CDH13: variants seen among roughly 807,000 people sequenced by gnomAD.
CDH13 encodes cadherin 13, also known as cadherin-13.
A neutral mutation model predicts 63.8 loss-of-function variants in CDH13; 24 were observed. The observed-to-expected ratio is 0.38, with a 90% CI of 0.27 to 0.53. The LOEUF is 0.53. Ranked by LOEUF, CDH13 falls within the 20% of genes least tolerant of loss-of-function variation. The probability of loss-of-function intolerance (pLI) is 0.85; values close to 1 mark genes in which losing one functional copy is unlikely to be tolerated. For missense variants in CDH13, 1,049 were observed against 903.1 expected (o/e 1.16, Z -2.07); for synonymous variants, 503 against 355.3 (o/e 1.42, Z -4.67).
chr16:83,415,449 C>G (rs901645836), intron 6 of CDH13, among the ~76,000 whole-genome samples: 1 of 152,076 alleles, frequency 6.6e-6, no homozygotes, highest in Non-Finnish European at 1.5e-5. Flanking sequence ...CAAAGCCAGA[C>G]AAACACCACA....
At chr16:82,827,847 A>T (rs1042446181) in intron 1 of CDH13, among the ~76,000 whole-genome samples, 6 of 152,178 alleles carry the variant, frequency 3.9e-5, no homozygotes, top group Admixed American at 6.5e-5. Context: ...ATGTGGTATG[A>T]GTATGACACG....
chr16:82,913,041 A>T lies in CDH13; in HGVS notation c.157+54568A>T, dbSNP rs369378911. On this transcript the variant is annotated intron_variant, in intron 2 of 13. Coordinates refer to ENST00000567109, the MANE Select transcript of CDH13 (RefSeq NM_001257.5). ...TGAATTTAGGCCTAATTCAAAATCCATGAGATTGGGAATGGGATTGGGAAT... is the reference window on the plus strand; with the variant it reads ...TGAATTTAGGCCTAATTCAAAATCCTTGAGATTGGGAATGGGATTGGGAAT... 1.7e-3 allele frequency among the ~76,000 whole-genome samples: 263 copies of T among 152,090 alleles called. 2 individuals carry two copies. The highest frequency in any genetic ancestry group is 6.0e-3 in the African/African-American group (249 of 41,498).
chr16:83,621,589 C>T (rs1357085371), intron 8 of CDH13, among the ~76,000 whole-genome samples: 1 of 138,632 alleles, frequency 7.2e-6, no homozygotes, highest in Admixed American at 8.0e-5. Flanking sequence ...TAGGTTCAAG[C>T]GATTCTCCTG....
chr16:83,180,945 A>T (rs902078496), intron 4 of CDH13: 39 of 1,531,780 alleles, frequency 2.5e-5, no homozygotes, highest in Non-Finnish European at 3.3e-5. Flanking sequence ...ATGCATTACA[A>T]TTTTAGCAAT....
intron 3 of CDH13, among the ~76,000 whole-genome samples, chr16:83,033,215 G>A (rs1597186016): frequency 6.6e-6 from 1 of 151,954 alleles, no homozygotes; most frequent in South Asian, 2.1e-4. Context: ...TCCTCCTGTT[G>A]TTTTGTTTTG....
rs1282709091 is a variant in CDH13 at position 83,022,860 on chromosome 16, G to T, written c.158-9150G>T. On this transcript the variant is annotated intron_variant, in intron 2 of 13. Transcript: ENST00000567109. Reference sequence around the variant, plus strand: ...ATAAATCACAGATTGGCCCAAGCACGCTTATAAGAATAGCACAAAATTCAT... The same window carrying T: ...ATAAATCACAGATTGGCCCAAGCACTCTTATAAGAATAGCACAAAATTCAT... Among the ~76,000 whole-genome samples the T allele has an allele frequency of 2.6e-5, 4 of 152,194 alleles. 1 individual carries two copies. Among genetic ancestry groups the T allele is most frequent in the African/African-American group, 9.7e-5 (4 of 41,442 alleles).
At chr16:82,974,583 G>A (rs1909233485) in intron 2 of CDH13, among the ~76,000 whole-genome samples, 5 of 152,094 alleles carry the variant, frequency 3.3e-5, no homozygotes, top group Admixed American at 1.3e-4. Flanking sequence ...CTTTGCAGAT[G>A]TAATTAGATT....
intron 1 of CDH13, among the ~76,000 whole-genome samples, chr16:82,708,203 T>G (rs558735215): frequency 2.6e-5 from 4 of 152,302 alleles, no homozygotes; most frequent in South Asian, 4.2e-4. Flanking sequence ...TGCTCAAATG[T>G]GGTCATATGC....
At chr16:83,306,907 A>G (rs2089893575) in intron 5 of CDH13, among the ~76,000 whole-genome samples, 1 of 152,196 alleles carries the variant, frequency 6.6e-6, no homozygotes, top group Admixed American at 6.5e-5. Context: ...AGACAATCAG[A>G]CCTATCCGTA....
At position 82,693,856 on chromosome 16, in the gene CDH13, A is replaced by G. The variant is rs1277804697; in HGVS notation, c.45+66719A>G. Among the ~76,000 whole-genome samples, 6 of 152,200 alleles carry G rather than the reference A, an allele frequency of 3.9e-5. No individual in the cohort carries two copies. In the East Asian group the frequency reaches 1.2e-3, roughly 29 times the overall value. ...CCCATTAAAATTCCAGTGAACTCTTAGATTCTGCCATTCCTAGAAAATCTT... is the reference window on the plus strand; with the variant it reads ...CCCATTAAAATTCCAGTGAACTCTTGGATTCTGCCATTCCTAGAAAATCTT... On this transcript the variant is annotated intron_variant, in intron 1 of 13. Transcript: ENST00000567109.
intron 4 of CDH13, among the ~76,000 whole-genome samples, chr16:83,212,606 G>C (rs2039372433): frequency 6.6e-6 from 1 of 152,176 alleles, no homozygotes; most frequent in South Asian, 2.1e-4. Context: ...GAAAGAAGGT[G>C]GCAAACAGAC....
At chr16:83,075,009 A>T (rs1035472151) in intron 3 of CDH13, among the ~76,000 whole-genome samples, 6 of 152,212 alleles carry the variant, frequency 3.9e-5, no homozygotes, top group East Asian at 3.9e-4. Flanking sequence ...GATAATGGCC[A>T]TAGGGGATCC....
intron 10 of CDH13, among the ~76,000 whole-genome samples, chr16:83,726,653 G>A (rs2150945220): frequency 1.3e-5 from 2 of 152,280 alleles, no homozygotes; most frequent in Non-Finnish European, 2.9e-5. Flanking sequence ...GGCTAACACG[G>A]TGAAACCCCG....
At chr16:82,849,969 T>C (rs969681549) in intron 1 of CDH13, among the ~76,000 whole-genome samples, 11 of 152,262 alleles carry the variant, frequency 7.2e-5, no homozygotes, top group African/African-American at 2.7e-4. Context: ...ACAATGTACC[T>C]GGACATCCAA....
chr16:83,795,103 G>C lies in CDH13; in HGVS notation c.*73G>C. On this transcript the variant is annotated 3_prime_UTR_variant, in exon 14 of 14. Transcript: ENST00000567109. ...GAAAAAAAAAAATCTATCCAAATCT[G>C]AAGATTGCGGTTTACAGCTATCGAA... 1 of 1,355,810 alleles carries C rather than the reference G, an allele frequency of 7.4e-7. No homozygotes were observed. The highest frequency in any genetic ancestry group is 1.0e-6 in the Non-Finnish European group (1 of 983,268). 84.0% of individuals were successfully genotyped at this position (1,355,810 alleles called of 1,614,324 possible). A position where few individuals can be genotyped will look rare whatever the true frequency, so the allele number is the denominator to read the frequency against.
intron 2 of CDH13, among the ~76,000 whole-genome samples, chr16:82,918,698 A>G (rs74329577): frequency 1.3e-5 from 2 of 151,924 alleles, no homozygotes; most frequent in Non-Finnish European, 2.9e-5. Flanking sequence ...TAGTAGAGAC[A>G]GGGTTTCAAC....
chr16:83,235,501 C>A (rs939630873), intron 5 of CDH13, among the ~76,000 whole-genome samples: 5 of 152,106 alleles, frequency 3.3e-5, no homozygotes, highest in Admixed American at 3.3e-4. Context: ...CACTCCTACC[C>A]CGACCCAAAA....
At chr16:83,155,668 G>A (rs888871648) in intron 4 of CDH13, among the ~76,000 whole-genome samples, 2 of 152,160 alleles carry the variant, frequency 1.3e-5, no homozygotes, top group Non-Finnish European at 2.9e-5. Flanking sequence ...TGTGTACCCT[G>A]TCCTAGGCTA....
chr16:82,692,662 C>G (rs764755456), intron 1 of CDH13, among the ~76,000 whole-genome samples: 7 of 152,120 alleles, frequency 4.6e-5, no homozygotes, highest in Non-Finnish European at 1.0e-4. Flanking sequence ...TGAGAGGATG[C>G]CTTGAATAGG....
Sources: gnomAD v4.1 joint callset for allele counts (sites outside exome capture counted in the v4.1 genomes callset) on GRCh38, gnomAD v4.1.1 for gene constraint, MANE v1.5 for transcripts, NCBI Gene and HGNC (gene_info 2026-07-23, HGNC 2026-07-21) for gene names.